The following KMT2E variants were observed in gnomAD, a reference collection of about 807,000 sequenced individuals.
KMT2E encodes lysine methyltransferase 2E (inactive), also known as histone reader KMT2E.
KMT2E carries 30 observed loss-of-function variants against 184.6 expected under a neutral mutation model. The observed-to-expected ratio is 0.16, with a 90% CI of 0.12 to 0.22. KMT2E has a LOEUF of 0.22. Ranked by LOEUF, KMT2E falls within the 10% of genes least tolerant of loss-of-function variation. The probability of loss-of-function intolerance (pLI) is 1.00; values close to 1 mark genes in which losing one functional copy is unlikely to be tolerated. For missense variants in KMT2E, 2,023 were observed against 2,237.4 expected (o/e 0.90, Z 1.93); for synonymous variants, 815 against 776.5 (o/e 1.05, Z -0.82).
intron 3 of KMT2E, among the ~76,000 whole-genome samples, chr7:105,043,472 G>A (rs1175757471): frequency 2.6e-5 from 4 of 151,804 alleles, no homozygotes; most frequent in Admixed American, 1.3e-4. Flanking sequence ...TCCTGACCTC[G>A]TGATCCACCC....
Position 105,107,154 on chromosome 7 carries a change from C to T in KMT2E, c.2848-12C>T. The T allele has an allele frequency of 7.4e-7, 1 of 1,360,002 alleles. No homozygotes were observed. Among genetic ancestry groups the T allele is most frequent in the South Asian group, 1.4e-5 (1 of 73,840 alleles). 84.2% of individuals were successfully genotyped at this position (1,360,002 alleles called of 1,614,324 possible). A position where few individuals can be genotyped will look rare whatever the true frequency, so the allele number is the denominator to read the frequency against. ...TTTAAATTTTCAATTCTAATTCTTT[C>T]TTTATATACAGAATATTTCTTCCCC... On this transcript the variant is annotated splice_polypyrimidine_tract_variant and intron_variant, in intron 20 of 26. Coordinates refer to ENST00000311117, the MANE Select transcript of KMT2E (RefSeq NM_182931.3).
At chr7:105,074,581 G>A (rs1455121526) in intron 7 of KMT2E, 62 bp from the exon 8 acceptor site, 1 of 1,238,916 alleles carries the variant, frequency 8.1e-7, no homozygotes, top group Non-Finnish European at 1.1e-6. Flanking sequence ...ATGGAATGCT[G>A]TTTTATTTCA....
At chr7:105,068,870 T>C (rs898837721) in intron 6 of KMT2E, among the ~76,000 whole-genome samples, 3 of 152,128 alleles carry the variant, frequency 2.0e-5, no homozygotes, top group Non-Finnish European at 2.9e-5. Context: ...ATTTACTGGT[T>C]TTCAGAATAA....
chr7:105,107,477 C>A lies in KMT2E; in HGVS notation c.3020C>A (p.Thr1007Asn). 1 of 1,614,104 alleles carries A rather than the reference C, an allele frequency of 6.2e-7. No individual in the cohort carries two copies. Among genetic ancestry groups the A allele is most frequent in the Non-Finnish European group, 8.5e-7 (1 of 1,180,008 alleles). The change falls in exon 22 of 27, where the codon ACT becomes AAT. Residue 1007 changes from threonine (T) to asparagine (N), a missense_variant. By Grantham distance (65) the Thr-to-Asn change is moderately conservative. Transcript: ENST00000311117. ...GGTTATACGAGCCCTAGGAGTAGGA[C>A]TGAAGTCAACAGGCAGTGTCCTGGA... is the stretch of plus-strand genomic sequence containing the variant. ...TIGYTSPRSR[T>N]EVNRQCPGEK...
chr7:105,100,476 GTTCTT>G (rs531403046), intron 15 of KMT2E, among the ~76,000 whole-genome samples: 111 of 152,258 alleles, frequency 7.3e-4, no homozygotes, highest in African/African-American at 2.5e-3. Flanking sequence ...AGGACCTGTG[GTTCTT>G]TTCATTTTAA....
chr7:105,088,885 AAATT>A (rs1274648012), intron 13 of KMT2E, among the ~76,000 whole-genome samples: 2 of 152,238 alleles, frequency 1.3e-5, no homozygotes, highest in Non-Finnish European at 2.9e-5. Flanking sequence ...AGGAAACATT[AAATT>A]TTATCAAGGT....
At position 105,014,236 on chromosome 7, in the gene KMT2E, AG is replaced by A. The variant is rs1554373778; in HGVS notation, c.-483del. ...AGAGGCAGTGACACTGAGCGGGCGCAGGGGGCCGAGTCGGAGACCGTGCCGG... is the reference window on the plus strand; with the variant it reads ...AGAGGCAGTGACACTGAGCGGGCGCAGGGGCCGAGTCGGAGACCGTGCCGG... On this transcript the variant is annotated 5_prime_UTR_variant, in exon 1 of 27. Coordinates refer to ENST00000311117, the MANE Select transcript of KMT2E (RefSeq NM_182931.3). 2.1e-5 allele frequency: 4 copies of A among 188,796 alleles called. No individual in the cohort carries two copies. The highest frequency in any genetic ancestry group is 1.2e-4 in the South Asian group (1 of 8,544). The allele number at this position is 188,796 out of a possible 1,614,324, so 11.7% of individuals were successfully genotyped here. A position where few individuals can be genotyped will look rare whatever the true frequency, so the allele number is the denominator to read the frequency against.
chr7:105,111,395 AT>A (rs1029228514), intron 26 of KMT2E, among the ~76,000 whole-genome samples: 2 of 152,052 alleles, frequency 1.3e-5, no homozygotes, highest in Non-Finnish European at 2.9e-5. Context: ...ATGAAAAGGT[AT>A]TAAAAATCAA....
At chr7:105,082,222 C>G (rs1797784527) in intron 13 of KMT2E, among the ~76,000 whole-genome samples, 1 of 151,962 alleles carries the variant, frequency 6.6e-6, no homozygotes, top group Non-Finnish European at 1.5e-5. Context: ...GTTGGAGATC[C>G]TACAAAGAAA....
chr7:105,109,968 C>T (rs1002861935), intron 23 of KMT2E, among the ~76,000 whole-genome samples: 7 of 151,848 alleles, frequency 4.6e-5, no homozygotes, highest in African/African-American at 1.4e-4. Flanking sequence ...CTCAGCTTCC[C>T]GAGTAGCGCC....
intron 15 of KMT2E, among the ~76,000 whole-genome samples, chr7:105,093,784 G>C (rs1286606240): frequency 5.9e-5 from 9 of 152,132 alleles, no homozygotes. Flanking sequence ...TTTTGGTCCT[G>C]ATTTTGCTTA....
chr7:105,088,064 C>T (rs967181653), intron 13 of KMT2E, among the ~76,000 whole-genome samples: 80 of 151,990 alleles, frequency 5.3e-4, no homozygotes, highest in African/African-American at 1.8e-3. Context: ...TTTCTCCTCT[C>T]GAAGGTAGGA....
At chr7:105,068,635 T>G (rs111408741) in intron 6 of KMT2E, among the ~76,000 whole-genome samples, 3,358 of 136,250 alleles carry the variant, frequency 0.025, 89 homozygotes, top group Middle Eastern at 0.057. Context: ...TTTTTTTTTT[T>G]TTTGTTTTTT....
intron 16 of KMT2E, 104 bp from the exon 17 acceptor site, chr7:105,101,782 C>A: frequency 9.2e-7 from 1 of 1,087,792 alleles, no homozygotes; most frequent in Non-Finnish European, 1.3e-6. Flanking sequence ...TATCAGAATT[C>A]AAAAATTCCA....
Position 105,023,225 on chromosome 7 carries a change from AC to A in KMT2E, c.-189+8694del, listed in dbSNP as rs568466024. 2.5e-3 allele frequency among the ~76,000 whole-genome samples: 382 copies of A among 151,782 alleles called. 4 individuals are homozygous for A. Among genetic ancestry groups the A allele is most frequent in the Non-Finnish European group, 3.3e-3 (221 of 67,926 alleles). On this transcript the variant is annotated intron_variant, in intron 1 of 26. Coordinates refer to ENST00000311117, the MANE Select transcript of KMT2E (RefSeq NM_182931.3). ...CCTTTCTCCAATAAAAAAATCCATT[AC>A]CCCGTCTCTACTAAAAATACAAAAA...
chr7:105,017,356 C>T lies in KMT2E; in HGVS notation c.-189+2821C>T, dbSNP rs150385185. ...AAGCTGTCTTCAGTTTACTAGCTTT[C>T]TTCATATTGGCTTGCTTTATTGCTT... On this transcript the variant is annotated intron_variant, in intron 1 of 26. Coordinates refer to ENST00000311117, the MANE Select transcript of KMT2E (RefSeq NM_182931.3). Among the ~76,000 whole-genome samples the T allele has an allele frequency of 2.7e-3, 403 of 150,494 alleles. 1 individual carries two copies. The highest frequency in any genetic ancestry group is 9.1e-3 in the African/African-American group (372 of 40,910).
chr7:105,113,125 T>C lies in KMT2E; in HGVS notation c.5369T>C (p.Val1790Ala), dbSNP rs1799401722. 2.5e-6 allele frequency: 4 copies of C among 1,614,066 alleles called. No homozygotes were observed. In the African/African-American group the frequency reaches 5.3e-5, roughly 22 times the overall value. The change falls in exon 27 of 27, where the codon GTC becomes GCC. Residue 1790 changes from valine (V) to alanine (A), a missense_variant. By Grantham distance (64) the Val-to-Ala change is moderately conservative. Transcript: ENST00000311117. ...ACAGGGCCACATTGTCCATTACCTG[T>C]CACAGGTCCTCATCTCCAGCCCCAA... ...SGTGPHCPLP[V>A]TGPHLQPQGP...
In KMT2E at chr7:105,087,065, TATATA is replaced by T. The variant is rs552404028; in HGVS notation, c.1359-2940_1359-2936del. On this transcript the variant is annotated intron_variant, in intron 13 of 26. Coordinates refer to ENST00000311117, the MANE Select transcript of KMT2E (RefSeq NM_182931.3). ...TGTATAATATATATAGCATATATAA[TATATA>T]ATACATAATATATAGCGTATGTAAT... Among the ~76,000 whole-genome samples the T allele has an allele frequency of 4.0e-3, 585 of 147,412 alleles. 4 individuals carry two copies. Among genetic ancestry groups the T allele is most frequent in the Non-Finnish European group, 6.4e-3 (427 of 67,044 alleles).
intron 24 of KMT2E, 29 bp downstream of exon 24, chr7:105,110,397 G>A: frequency 1.2e-6 from 2 of 1,613,956 alleles, no homozygotes; most frequent in African/African-American, 1.3e-5. Flanking sequence ...TCACCAGAAA[G>A]TGGAATCAGT....
Sources: allele counts gnomAD v4.1 joint callset (sites outside exome capture counted in the v4.1 genomes callset), GRCh38; gene constraint gnomAD v4.1.1; transcripts MANE v1.5; gene names NCBI Gene and HGNC (gene_info 2026-07-23, HGNC 2026-07-21).